Variants in BRSK1 observed in about 807,000 individuals in gnomAD.
BRSK1 encodes the protein BR serine/threonine kinase 1, also known as serine/threonine-protein kinase BRSK1.
In BRSK1, 17 loss-of-function variants were observed where a neutral mutation model predicts 86.2. The ratio of observed to expected loss-of-function variants is 0.20; its 90% CI spans 0.14 to 0.30. BRSK1 has a LOEUF of 0.30. BRSK1 is among the 10% of genes least tolerant of loss of function. The pLI is 1.00. For missense variants in BRSK1, 719 were observed against 1,071.9 expected, an observed-to-expected ratio of 0.67 and a Z score of 4.60; for synonymous variants, 464 against 440.1, an observed-to-expected ratio of 1.05 and a Z score of -0.68.
At chr19:55,298,723 G>A (rs544930598) in intron 7 of BRSK1, among the ~76,000 whole-genome samples, 11 of 152,124 alleles carry the variant, frequency 7.2e-5, no homozygotes, top group East Asian at 1.9e-4. Context: ...CACCTATTTC[G>A]TGTCACGTTT....
chr19:55,300,202 A>C (rs910753656), intron 7 of BRSK1, among the ~76,000 whole-genome samples: 30 of 152,154 alleles, frequency 2.0e-4, no homozygotes, highest in Admixed American at 6.6e-5. Flanking sequence ...TGGCTACGTC[A>C]GAATGCAGGA....
Position 55,303,842 on chromosome 19 carries a change from C to G in BRSK1, c.1286+16C>G. On this transcript the variant is annotated intron_variant, in intron 12 of 18. Transcript: ENST00000309383. The surrounding 1 kb of genome is among the most constrained non-coding windows in gnomAD (Gnocchi z 5.1). Reference sequence around the variant, plus strand: ...ACAGCCAGAGGTGGGAGCCCCTGTCCCTCCAGGAGGATCCACAATCCCTGG... The same window carrying G: ...ACAGCCAGAGGTGGGAGCCCCTGTCGCTCCAGGAGGATCCACAATCCCTGG... The G allele has an allele frequency of 1.3e-6, 2 of 1,546,378 alleles. No homozygotes were observed. Among genetic ancestry groups the G allele is most frequent in the Non-Finnish European group, 1.7e-6 (2 of 1,147,300 alleles).
intron 18 of BRSK1, among the ~76,000 whole-genome samples, 172 bp downstream of exon 18, chr19:55,308,900 G>C (rs921243537): frequency 1.3e-5 from 2 of 152,016 alleles, no homozygotes; most frequent in African/African-American, 4.8e-5. Context: ...TGCAGAGGAC[G>C]CCCAGCTGGT....
chr19:55,284,663 G>A (rs1350811617), intron 1 of BRSK1, 85 bp downstream of exon 1: 1 of 1,177,728 alleles, frequency 8.5e-7, no homozygotes, highest in Non-Finnish European at 1.1e-6. Flanking sequence ...TCAAATGGCA[G>A]GGGCTGGCTG....
In BRSK1 at chr19:55,306,017, C is replaced by T. The variant is rs2088645135; in HGVS notation, c.1891-235C>T. ...GTGGTCTTGGAGTCTGAGGCTGTCA[C>T]CTAGCTATCAGAGTCCTCATGATGT... On this transcript the variant is annotated intron_variant, in intron 16 of 18. Coordinates refer to ENST00000309383, the MANE Select transcript of BRSK1 (RefSeq NM_032430.2). This position sits in a 1 kb window ranked among gnomAD's most constrained non-coding sequence, Gnocchi z 4.7. Among the ~76,000 whole-genome samples, 1 of 152,196 alleles carries T rather than the reference C, an allele frequency of 6.6e-6. No homozygotes were observed. The highest frequency in any genetic ancestry group is 2.4e-5 in the African/African-American group (1 of 41,446).
chr19:55,304,675 A>G lies in BRSK1; in HGVS notation c.1472A>G (p.Gln491Arg). Residue 491 changes from glutamine (Q) to arginine (R), a missense_variant, in exon 14 of 19, where the codon CAG becomes CGG. Around this residue, in one of 6 missense-constraint regions of BRSK1, gnomAD observed 143 missense variants for 120.1 expected, o/e 1.19. Transcript: ENST00000309383. This position sits in a 1 kb window ranked among gnomAD's most constrained non-coding sequence, Gnocchi z 5.2. ...CCCAGGGGTGGGGGCGCCGGGGAGC[A>G]GCCCCCGCCCCCCAGTGCCCGCTCC... ...RGPRGGGAGE[Q>R]PPPPSARSTP... The G allele has an allele frequency of 6.7e-7, 1 of 1,486,386 alleles. No homozygotes were observed. The highest frequency in any genetic ancestry group is 8.9e-7 in the Non-Finnish European group (1 of 1,125,874). 92.1% of individuals were successfully genotyped at this position (1,486,386 alleles called of 1,614,324 possible). A position where few individuals can be genotyped will look rare whatever the true frequency, so the allele number is the denominator to read the frequency against.
At chr19:55,311,628 A>G (rs946684585) in intron 18 of BRSK1, among the ~76,000 whole-genome samples, 1 of 152,140 alleles carries the variant, frequency 6.6e-6, no homozygotes, top group African/African-American at 2.4e-5. Context: ...TCCTAAAGTC[A>G]GGCCCGGCCC....
chr19:55,302,514 TG>T lies in BRSK1; in HGVS notation c.858-181del. ...CCCCTCGGTCGGAGGGAAAAGGGGCTGGAGGTCTGGACTCCTGGGTCTGAGA... is the reference window on the plus strand; with the variant it reads ...CCCCTCGGTCGGAGGGAAAAGGGGCTGAGGTCTGGACTCCTGGGTCTGAGA... On this transcript the variant is annotated intron_variant, in intron 9 of 18. Coordinates refer to ENST00000309383, the MANE Select transcript of BRSK1 (RefSeq NM_032430.2). This position sits in a 1 kb window ranked among gnomAD's most constrained non-coding sequence, Gnocchi z 6.3. 1 of 751,850 alleles carries T rather than the reference TG, an allele frequency of 1.3e-6. No individual in the cohort carries two copies. The highest frequency in any genetic ancestry group is 2.1e-6 in the Non-Finnish European group (1 of 471,016). 46.6% of individuals were successfully genotyped at this position (751,850 alleles called of 1,614,324 possible). A position where few individuals can be genotyped will look rare whatever the true frequency, so the allele number is the denominator to read the frequency against.
rs71181751 is a variant in BRSK1 at position 55,298,209 on chromosome 19, C to CT, written c.679-3277dup. Reference sequence around the variant, plus strand: ...GTTTATTCTTTTTTTTTTGTTTCTTCTTTTTTTTTTTTTTTTTTTTTTTTT... The same window carrying CT: ...GTTTATTCTTTTTTTTTTGTTTCTTCTTTTTTTTTTTTTTTTTTTTTTTTTT... On this transcript the variant is annotated intron_variant, in intron 7 of 18. Coordinates refer to ENST00000309383, the MANE Select transcript of BRSK1 (RefSeq NM_032430.2). Among the ~76,000 whole-genome samples the CT allele has an allele frequency of 5.6e-3, 392 of 69,636 alleles. 28 individuals carry two copies. The highest frequency in any genetic ancestry group is 0.012 in the East Asian group (25 of 2,130). The allele number at this position is 69,636 out of a possible 152,430, so 45.7% of individuals were successfully genotyped here.
chr19:55,287,539 A>C lies in BRSK1; in HGVS notation c.317+240A>C, dbSNP rs905699512. On this transcript the variant is annotated intron_variant, in intron 3 of 18. Transcript: ENST00000309383. The surrounding 1 kb of genome is among the most constrained non-coding windows in gnomAD (Gnocchi z 5.3). Reference sequence around the variant, plus strand: ...GCAACCATCCTCCTACCGTGTCCCCAGCTCCAGCTCCTCGCCCTGTGGCAC... The same window carrying C: ...GCAACCATCCTCCTACCGTGTCCCCCGCTCCAGCTCCTCGCCCTGTGGCAC... 1.2e-4 allele frequency among the ~76,000 whole-genome samples: 19 copies of C among 152,298 alleles called. No individual in the cohort carries two copies. Among genetic ancestry groups the C allele is most frequent in the Admixed American group, 1.2e-3 (18 of 15,310 alleles).
rs772349063 is a variant in BRSK1 at position 55,303,766 on chromosome 19, G to T, written c.1226G>T (p.Gly409Val). Residue 409 changes from glycine to valine, a missense_variant, in exon 12 of 19, where the codon GGG becomes GTG. By Grantham distance (109) the Gly-to-Val change is moderately radical (BLOSUM62 -3). Transcript: ENST00000309383. This position sits in a 1 kb window ranked among gnomAD's most constrained non-coding sequence, Gnocchi z 5.1. ...SMEVLSITDA[G>V]GGGSPVPTRR... ...GAAGTCCTGAGCATCACCGATGCCG[G>T]GGGTGGTGGCTCCCCTGTACCCACC... 29 of 1,613,016 alleles carry T rather than the reference G, an allele frequency of 1.8e-5. No individual in the cohort carries two copies. Among genetic ancestry groups the T allele is most frequent in the East Asian group, 4.5e-5 (2 of 44,864 alleles).
chr19:55,303,519 C>T lies in BRSK1; in HGVS notation c.1126+111C>T. ...GAAGGGGCTGCAGGCTCTGAGCTTC[C>T]AGCTTTAGACTGCTTGACTTGCTCT... On this transcript the variant is annotated intron_variant, in intron 11 of 18. Coordinates refer to ENST00000309383, the MANE Select transcript of BRSK1 (RefSeq NM_032430.2). This position sits in a 1 kb window ranked among gnomAD's most constrained non-coding sequence, Gnocchi z 5.1. 6.8e-7 allele frequency: 1 copy of T among 1,474,552 alleles called. No homozygotes were observed. 91.3% of individuals were successfully genotyped at this position (1,474,552 alleles called of 1,614,324 possible).
intron 4 of BRSK1, among the ~76,000 whole-genome samples, chr19:55,291,421 G>A (rs571644703): frequency 3.9e-5 from 6 of 152,224 alleles, no homozygotes; most frequent in East Asian, 1.9e-4. Flanking sequence ...GCGTGTGCCC[G>A]TGGTCCCAGC....
intron 3 of BRSK1, among the ~76,000 whole-genome samples, chr19:55,289,193 C>T (rs751664106): frequency 9.2e-5 from 14 of 152,138 alleles, no homozygotes; most frequent in Non-Finnish European, 1.6e-4. Context: ...ACATGGGAGG[C>T]TCTACTGCCC....
chr19:55,300,476 G>A (rs2088554502), intron 7 of BRSK1, among the ~76,000 whole-genome samples: 1 of 152,222 alleles, frequency 6.6e-6, no homozygotes, highest in African/African-American at 2.4e-5. Context: ...GCTGAGGCGG[G>A]CAGATCACCT....
In BRSK1 at chr19:55,302,049, G is replaced by A. The variant is rs2088578922; in HGVS notation, c.826-88G>A. ...TGGGGTGGGCGGGGAGATGATCAGG[G>A]ACCCCAAAACCACCCCAGTCTTTCA... is the stretch of plus-strand genomic sequence containing the variant. On this transcript the variant is annotated intron_variant, in intron 8 of 18. Transcript: ENST00000309383. The surrounding 1 kb of genome is among the most constrained non-coding windows in gnomAD (Gnocchi z 6.3). 2 of 1,466,640 alleles carry A rather than the reference G, an allele frequency of 1.4e-6. No individual in the cohort carries two copies. The highest frequency in any genetic ancestry group is 3.3e-5 in the Admixed American group (2 of 59,842). The allele number at this position is 1,466,640 out of a possible 1,614,324, so 90.9% of individuals were successfully genotyped here.
intron 14 of BRSK1, 114 bp from the exon 15 acceptor site, chr19:55,305,207 C>T: frequency 7.1e-7 from 1 of 1,418,314 alleles, no homozygotes; most frequent in South Asian, 1.2e-5. Context: ...ATGGCTTGGC[C>T]GAGGCTGCAA....
Position 55,287,164 on chromosome 19 carries a change from G to A in BRSK1, c.232-50G>A, listed in dbSNP as rs147404516. ...GGCCTCCGGGGCTGAGGGCAGGGGC[G>A]GGGCCGTGCTGACCTCTTTTCCCGT... On this transcript the variant is annotated intron_variant, in intron 2 of 18. Coordinates refer to ENST00000309383, the MANE Select transcript of BRSK1 (RefSeq NM_032430.2). The surrounding 1 kb of genome is among the most constrained non-coding windows in gnomAD (Gnocchi z 5.3). The A allele has an allele frequency of 4.8e-4, 781 of 1,612,160 alleles. 1 individual carries two copies. The African/African-American group carries it at 7.7e-3, about 16-fold the overall frequency.
At chr19:55,308,565 G>C in intron 17 of BRSK1, 74 bp from the exon 18 acceptor site, 1 of 1,090,106 alleles carries the variant, frequency 9.2e-7, no homozygotes, top group East Asian at 2.5e-5. Context: ...GGAGGGACTG[G>C]GTTCTGCAGG....
Sources: allele counts gnomAD v4.1 joint callset (sites outside exome capture counted in the v4.1 genomes callset), GRCh38; gene constraint gnomAD v4.1.1; regional missense constraint gnomAD v4.1.1; non-coding constraint Gnocchi (gnomAD v3.1); transcripts MANE v1.5; gene names NCBI Gene and HGNC (gene_info 2026-07-23, HGNC 2026-07-21).